The following MTMR9 variants were observed in gnomAD, a reference collection of about 807,000 sequenced individuals.
MTMR9 encodes myotubularin-related protein 9.
In MTMR9, 39 loss-of-function variants were observed where a neutral mutation model predicts 69.5. That is an observed-to-expected ratio of 0.56 (90% CI 0.43 to 0.73). The LOEUF is 0.73. Ranked by LOEUF, MTMR9 falls within the 30% of genes least tolerant of loss-of-function variation. The probability of loss-of-function intolerance (pLI) is 0.00; values close to 1 mark genes in which losing one functional copy is unlikely to be tolerated. For missense variants in MTMR9, 900 were observed against 671.2 expected, an observed-to-expected ratio of 1.34 and a Z score of -3.77; for synonymous variants, 354 against 240.8, an observed-to-expected ratio of 1.47 and a Z score of -4.35.
At chr8:11,302,476 A>G (rs1799785156) in intron 3 of MTMR9, among the ~76,000 whole-genome samples, 1 of 152,162 alleles carries the variant, frequency 6.6e-6, no homozygotes. Context: ...AAAATACCAC[A>G]AAGTTAAAAG....
downstream of MTMR9, among the ~76,000 whole-genome samples, chr8:11,329,733 C>A (rs539834582): frequency 6.6e-6 from 1 of 152,306 alleles, no homozygotes; most frequent in East Asian, 1.9e-4. Flanking sequence ...GCCCGGCCGC[C>A]ACCCCGTCTG....
chr8:11,297,223 T>C (rs1366285874), intron 2 of MTMR9, among the ~76,000 whole-genome samples: 1 of 152,190 alleles, frequency 6.6e-6, no homozygotes, highest in Non-Finnish European at 1.5e-5. Context: ...TTTTAGTGAT[T>C]TTTAAAACAG....
At chr8:11,336,308 C>T in the MTMR9 span, among the ~76,000 whole-genome samples, 1 of 152,166 alleles carries the variant, frequency 6.6e-6, no homozygotes, top group African/African-American at 2.4e-5. Context: ...GTATTTGGTT[C>T]CATTTACCAG....
chr8:11,304,372 A>G (rs1799861371), intron 3 of MTMR9, among the ~76,000 whole-genome samples: 1 of 152,174 alleles, frequency 6.6e-6, no homozygotes, highest in Non-Finnish European at 1.5e-5. Flanking sequence ...CTTTAAGAGG[A>G]TCATTAACAA....
chr8:11,336,821 AG>A, the MTMR9 span, among the ~76,000 whole-genome samples: 1 of 152,204 alleles, frequency 6.6e-6, no homozygotes, highest in Non-Finnish European at 1.5e-5. Flanking sequence ...ACAACATTCT[AG>A]TGCATTCTGG....
intron 3 of MTMR9, among the ~76,000 whole-genome samples, chr8:11,304,024 A>G (rs1799844341): frequency 6.6e-6 from 1 of 152,152 alleles, no homozygotes; most frequent in African/African-American, 2.4e-5. Flanking sequence ...TCAGATATAC[A>G]GAACATATTG....
At chr8:11,308,253 T>C (rs1170383088) in intron 5 of MTMR9, among the ~76,000 whole-genome samples, 1 of 152,244 alleles carries the variant, frequency 6.6e-6, no homozygotes, top group Non-Finnish European at 1.5e-5. Flanking sequence ...TTCTTCTGCA[T>C]GTGCATACCC....
At chr8:11,315,572 A>G (rs1386099322) in intron 7 of MTMR9, among the ~76,000 whole-genome samples, 3 of 152,240 alleles carry the variant, frequency 2.0e-5, no homozygotes, top group African/African-American at 4.8e-5. Flanking sequence ...TTACTTTTCA[A>G]TATATTTCTA....
rs774576792 is a variant in MTMR9, at chr8:11,287,431, G to A, written c.182+2361G>A. On this transcript the variant is annotated intron_variant, in intron 1 of 9. Transcript: ENST00000221086. ...TTTGAATCTGTTAGGAGAGAATGACGAACTGTACACACATTTATCCTTTTC... is the reference window on the plus strand; with the variant it reads ...TTTGAATCTGTTAGGAGAGAATGACAAACTGTACACACATTTATCCTTTTC... Among the ~76,000 whole-genome samples the A allele has an allele frequency of 1.1e-4, 16 of 152,016 alleles. No individual in the cohort carries two copies. In the South Asian group the frequency reaches 2.1e-3, roughly 20 times the overall value.
intron 3 of MTMR9, among the ~76,000 whole-genome samples, chr8:11,302,708 A>G (rs1799793634): frequency 6.6e-6 from 1 of 152,218 alleles, no homozygotes; most frequent in Non-Finnish European, 1.5e-5. Context: ...TCAGCTCAAT[A>G]AGACAAGAAG....
intron 6 of MTMR9, among the ~76,000 whole-genome samples, chr8:11,312,018 G>A (rs1364158325): frequency 1.3e-5 from 2 of 151,886 alleles, no homozygotes; most frequent in African/African-American, 2.4e-5. Flanking sequence ...TGAAATTGCA[G>A]CAATTCAGTC....
the MTMR9 span, among the ~76,000 whole-genome samples, chr8:11,338,087 A>C: frequency 6.6e-6 from 1 of 152,242 alleles, no homozygotes; most frequent in African/African-American, 2.4e-5. Flanking sequence ...TTGGGAAAGG[A>C]GGAGCAATGA....
chr8:11,317,695 C>G lies in MTMR9; in HGVS notation c.1334+802C>G, dbSNP rs142905520. The stretch of plus-strand genomic sequence containing the variant: ...CTCCAGACTTTGTTACACCTAGAAA[C>G]TGTCCTCAGGCCCAGAGTGGCAAGC... On this transcript the variant is annotated intron_variant, in intron 8 of 9. Transcript: ENST00000221086. 326 of 152,524 alleles carry G rather than the reference C, an allele frequency of 2.1e-3. 1 individual carries two copies. The highest frequency in any genetic ancestry group is 7.5e-3 in the African/African-American group (312 of 41,590). 9.4% of individuals were successfully genotyped at this position (152,524 alleles called of 1,614,324 possible). A position where few individuals can be genotyped will look rare whatever the true frequency, so the allele number is the denominator to read the frequency against.
At chr8:11,318,503 C>T (rs1800521956) in intron 8 of MTMR9, 1 of 152,142 alleles carries the variant, frequency 6.6e-6, no homozygotes, top group African/African-American at 2.4e-5. Context: ...GTTTCAGAGA[C>T]AAAACTGATT....
In MTMR9 at chr8:11,316,679, C is replaced by T. The variant is rs1188102897; in HGVS notation, c.1120C>T (p.His374Tyr). The T allele has an allele frequency of 2.5e-6, 4 of 1,598,506 alleles. No individual in the cohort carries two copies. Among genetic ancestry groups the T allele is most frequent in the Admixed American group, 1.7e-5 (1 of 57,326 alleles). ...LIEREWLQAG[H>Y]PFQQRCAQSA... ...GCCTCCATCTTCCCCCTAGGCTGGT[C>T]ACCCATTCCAGCAGCGCTGTGCACA... The change falls in exon 8 of 10, where the codon CAC (histidine) becomes TAC (tyrosine). Residue 374 changes from histidine (H) to tyrosine (Y), a missense_variant. Transcript: ENST00000221086.
chr8:11,331,333 G>A (rs200261710), downstream of MTMR9: 54 of 1,613,842 alleles, frequency 3.3e-5, no homozygotes, highest in African/African-American at 8.0e-5. Context: ...CTCATCTGTC[G>A]ATGCCTCTTC....
the MTMR9 span, among the ~76,000 whole-genome samples, chr8:11,334,695 A>G: frequency 6.6e-6 from 1 of 152,176 alleles, no homozygotes; most frequent in African/African-American, 2.4e-5. Context: ...TCACTTTTCA[A>G]TCAGAAGGCA....
chr8:11,313,808 A>G (rs1456544261), intron 6 of MTMR9, among the ~76,000 whole-genome samples: 1 of 152,220 alleles, frequency 6.6e-6, no homozygotes, highest in Non-Finnish European at 1.5e-5. Context: ...ATCACAGATC[A>G]CCATAGCAGT....
chr8:11,304,888 T>A lies in MTMR9; in HGVS notation c.465T>A (p.Cys155Ter). The A allele has an allele frequency of 6.2e-7, 1 of 1,614,126 alleles. No individual in the cohort carries two copies. Among genetic ancestry groups the A allele is most frequent in the Non-Finnish European group, 8.5e-7 (1 of 1,179,970 alleles). Residue 155 changes from cysteine (C) to a stop codon, truncating the protein, a stop_gained, in exon 4 of 10, where the codon TGT (cysteine) becomes TGA (stop). Transcript: ENST00000221086. LOFTEE classifies it high-confidence loss of function. ...LSYVNKEFAV[C>*]PSYPPIVTVP... ...ATGTCAATAAGGAATTTGCTGTCTG[T>A]CCCTCTTACCCACCAATTGTCACAG...
Sources: gnomAD v4.1 joint callset for allele counts (sites outside exome capture counted in the v4.1 genomes callset) on GRCh38, gnomAD v4.1.1 for gene constraint, MANE v1.5 for transcripts, NCBI Gene and HGNC (gene_info 2026-07-23, HGNC 2026-07-21) for gene names.